SLC8A1: variants seen among roughly 807,000 people sequenced by gnomAD.
The protein encoded by SLC8A1 is solute carrier family 8 member A1.
SLC8A1 carries 18 observed loss-of-function variants against 68.3 expected under a neutral mutation model. The observed-to-expected ratio is 0.26, with a 90% CI of 0.18 to 0.39. The LOEUF is 0.39. SLC8A1 is among the 10% of genes least tolerant of loss of function. The pLI is 1.00. For missense variants in SLC8A1, 985 were observed against 1,156.7 expected (o/e 0.85, Z 2.15); for synonymous variants, 475 against 415.5 (o/e 1.14, Z -1.74).
At chr2:40,163,455 T>C (rs753121601) in intron 5 of SLC8A1, among the ~76,000 whole-genome samples, 1 of 152,154 alleles carries the variant, frequency 6.6e-6, no homozygotes, top group Non-Finnish European at 1.5e-5. Context: ...GCTCTCTGAT[T>C]CCAAATGAAA....
rs71404277 is a variant in SLC8A1, at chr2:40,131,858, ATTTT to A, written c.2437+7539_2437+7542del. Among the ~76,000 whole-genome samples, 202 of 95,534 alleles carry A rather than the reference ATTTT, an allele frequency of 2.1e-3. 1 individual carries two copies. Among genetic ancestry groups the A allele is most frequent in the African/African-American group, 8.1e-3 (188 of 23,176 alleles). The allele number at this position is 95,534 out of a possible 152,430, so 62.7% of individuals were successfully genotyped here. On this transcript the variant is annotated intron_variant, in intron 7 of 7. Coordinates refer to ENST00000406785, the Ensembl canonical transcript of SLC8A1. Reference sequence around the variant, plus strand: ...CTGATGAGGATTATCTTGGTATTCTATTTTTTTTTTTTTTTTTTTTTTTTTTGCC... The same window carrying A: ...CTGATGAGGATTATCTTGGTATTCTATTTTTTTTTTTTTTTTTTTTTTGCC...
chr2:40,358,806 A>C (rs1411433571), intron 2 of SLC8A1, among the ~76,000 whole-genome samples: 5 of 152,208 alleles, frequency 3.3e-5, no homozygotes, highest in African/African-American at 2.4e-5. Context: ...ATAAACAACA[A>C]CACTAATGAA....
At chr2:40,319,655 A>C (rs535252832) in intron 2 of SLC8A1, among the ~76,000 whole-genome samples, 34 of 152,156 alleles carry the variant, frequency 2.2e-4, no homozygotes, top group African/African-American at 7.7e-4. Context: ...GCTCCTCCTT[A>C]TGTTAGGCAT....
intron 2 of SLC8A1, among the ~76,000 whole-genome samples, chr2:40,292,829 C>CTT (rs2069585828): frequency 6.6e-6 from 1 of 152,152 alleles, no homozygotes; most frequent in Non-Finnish European, 1.5e-5. Flanking sequence ...AATTACGCTG[C>CTT]CTATTCTCTT....
intron 7 of SLC8A1, among the ~76,000 whole-genome samples, chr2:40,137,906 T>C (rs1436755586): frequency 1.3e-5 from 2 of 152,150 alleles, no homozygotes; most frequent in African/African-American, 2.4e-5. Flanking sequence ...GTCAGTTGCA[T>C]AACACCATGC....
intron 6 of SLC8A1, among the ~76,000 whole-genome samples, chr2:40,143,781 A>G (rs1367591179): frequency 2.6e-5 from 4 of 152,148 alleles, no homozygotes; most frequent in Non-Finnish European, 5.9e-5. Context: ...CTTTCTTTTA[A>G]AGTAAACAGG....
intron 6 of SLC8A1, among the ~76,000 whole-genome samples, chr2:40,158,691 G>C (rs1300594621): frequency 6.6e-6 from 1 of 152,038 alleles, no homozygotes; most frequent in African/African-American, 2.4e-5. Flanking sequence ...TCTTCTAAAG[G>C]GCAGTAGATA....
At chr2:40,132,085 C>G (rs182211821) in intron 7 of SLC8A1, among the ~76,000 whole-genome samples, 133 of 151,802 alleles carry the variant, frequency 8.8e-4, no homozygotes, top group African/African-American at 3.0e-3. Context: ...TGTAATCTTA[C>G]TGTTGCATGC....
At chr2:40,365,342 G>A (rs1048071423) in intron 2 of SLC8A1, among the ~76,000 whole-genome samples, 5 of 151,784 alleles carry the variant, frequency 3.3e-5, no homozygotes, top group African/African-American at 1.2e-4. Flanking sequence ...TTTGCTTCAG[G>A]GCTATATCTT....
At chr2:40,345,832 T>G (rs973219180) in intron 2 of SLC8A1, among the ~76,000 whole-genome samples, 1 of 151,852 alleles carries the variant, frequency 6.6e-6, no homozygotes, top group Non-Finnish European at 1.5e-5. Context: ...CATCACACAC[T>G]GGGCCCTGTC....
intron 2 of SLC8A1, among the ~76,000 whole-genome samples, chr2:40,351,286 G>A (rs1486756176): frequency 2.0e-5 from 3 of 152,074 alleles, no homozygotes; most frequent in Non-Finnish European, 2.9e-5. Flanking sequence ...TTTGAAACAT[G>A]CCATGGATGA....
At chr2:40,260,151 T>C (rs1281568566) in intron 2 of SLC8A1, among the ~76,000 whole-genome samples, 3 of 152,218 alleles carry the variant, frequency 2.0e-5, no homozygotes, top group African/African-American at 4.8e-5. Flanking sequence ...TGATTCTCTC[T>C]CCCAACACCC....
chr2:40,465,771 A>C (rs777755762), intron 1 of SLC8A1, among the ~76,000 whole-genome samples: 7 of 152,186 alleles, frequency 4.6e-5, no homozygotes, highest in Admixed American at 1.3e-4. Context: ...GTCCCCTAAA[A>C]TTTATTTTTA....
chr2:40,187,177 G>A (rs754263904), intron 2 of SLC8A1, among the ~76,000 whole-genome samples: 8 of 152,074 alleles, frequency 5.3e-5, no homozygotes, highest in African/African-American at 1.4e-4. Flanking sequence ...TCCAGAATCC[G>A]AAACTCAAGA....
chr2:40,362,473 T>C (rs962862251), intron 2 of SLC8A1, among the ~76,000 whole-genome samples: 2 of 152,164 alleles, frequency 1.3e-5, no homozygotes, highest in South Asian at 4.1e-4. Flanking sequence ...GAATGCATCA[T>C]TGTGCTACTA....
In SLC8A1 at chr2:40,428,463, T is replaced by A. The variant is rs766716697; in HGVS notation, c.1808+10A>T. ...CACACACACACACACATATATAATA[T>A]AGAACTTACACAATTTCATCATTCT... On this transcript the variant is annotated intron_variant, in intron 2 of 7. Coordinates refer to ENST00000406785, the Ensembl canonical transcript of SLC8A1. The A allele has an allele frequency of 1.3e-6, 2 of 1,565,782 alleles. No individual in the cohort carries two copies. The highest frequency in any genetic ancestry group is 2.4e-5 in the South Asian group (2 of 81,710).
intron 2 of SLC8A1, among the ~76,000 whole-genome samples, chr2:40,324,108 T>C (rs2075544397): frequency 6.6e-6 from 1 of 152,096 alleles, no homozygotes; most frequent in African/African-American, 2.4e-5. Context: ...TCACCCTACT[T>C]ATAAATAAAT....
At chr2:40,309,692 G>C (rs1401554782) in intron 2 of SLC8A1, among the ~76,000 whole-genome samples, 6 of 151,936 alleles carry the variant, frequency 3.9e-5, no homozygotes, top group African/African-American at 1.2e-4. Flanking sequence ...TTTCAGTAGA[G>C]ACAGGGTTTC....
chr2:40,442,925 T>C (rs1274217974), intron 1 of SLC8A1, among the ~76,000 whole-genome samples: 3 of 152,122 alleles, frequency 2.0e-5, no homozygotes, highest in Non-Finnish European at 4.4e-5. Context: ...TATGCAGCCA[T>C]AACAAGGAGT....
Sources: gnomAD v4.1 joint callset for allele counts (sites outside exome capture counted in the v4.1 genomes callset) on GRCh38, gnomAD v4.1.1 for gene constraint, MANE v1.5 for transcripts, NCBI Gene and HGNC (gene_info 2026-07-23, HGNC 2026-07-21) for gene names.